CTNNA3: variants seen among roughly 807,000 people sequenced by gnomAD.
CTNNA3 encodes catenin alpha-3.
CTNNA3 carries 76 observed loss-of-function variants against 95.7 expected under a neutral mutation model. That is an observed-to-expected ratio of 0.79 (90% CI 0.66 to 0.96). The LOEUF (loss-of-function observed/expected upper bound fraction) is 0.96. CTNNA3 is among the 40% of genes least tolerant of loss of function. The probability of loss-of-function intolerance (pLI) is 0.00; values close to 1 mark genes in which losing one functional copy is unlikely to be tolerated. For missense variants in CTNNA3, 1,191 were observed against 1,089.8 expected (o/e 1.09, Z -1.31); for synonymous variants, 431 against 374.4 (o/e 1.15, Z -1.74).
At chr10:67,329,912 A>C (rs114407708) in intron 5 of CTNNA3, among the ~76,000 whole-genome samples, 2,324 of 152,252 alleles carry the variant, frequency 0.015, 63 homozygotes, top group African/African-American at 0.052. Context: ...GCGTCTTCCA[A>C]CTTCTCACTC....
intron 7 of CTNNA3, among the ~76,000 whole-genome samples, chr10:67,033,243 T>G (rs1853841535): frequency 6.6e-6 from 1 of 152,230 alleles, no homozygotes. Context: ...GCTTTCTCTC[T>G]GAGGCAAAGT....
intron 11 of CTNNA3, among the ~76,000 whole-genome samples, chr10:66,416,900 A>T (rs2093151015): frequency 6.6e-6 from 1 of 152,062 alleles, no homozygotes; most frequent in African/African-American, 2.4e-5. Context: ...CAAATGTGGA[A>T]AAAGATAGGG....
At chr10:66,001,336 A>G (rs1025378863) in intron 15 of CTNNA3, among the ~76,000 whole-genome samples, 2 of 152,118 alleles carry the variant, frequency 1.3e-5, no homozygotes, top group Non-Finnish European at 1.5e-5. Flanking sequence ...GCCATGCTAC[A>G]TGGGAGATTG....
At chr10:65,978,547 T>C (rs946913398) in intron 16 of CTNNA3, among the ~76,000 whole-genome samples, 2 of 151,868 alleles carry the variant, frequency 1.3e-5, no homozygotes, top group Non-Finnish European at 2.9e-5. Flanking sequence ...GCTTCATCTG[T>C]CACTTACACA....
intron 1 of CTNNA3, among the ~76,000 whole-genome samples, chr10:67,668,944 A>C (rs1589553551): frequency 6.7e-6 from 1 of 149,230 alleles, no homozygotes; most frequent in African/African-American, 2.5e-5. Context: ...GTTCAAGTGA[A>C]TCTCCTACCT....
At chr10:66,613,426 G>A (rs973291430) in intron 10 of CTNNA3, among the ~76,000 whole-genome samples, 6 of 152,130 alleles carry the variant, frequency 3.9e-5, no homozygotes, top group Middle Eastern at 3.4e-3. Context: ...AGTATTTGTT[G>A]AATGAAGAGT....
chr10:67,265,985 A>G (rs1051254068), intron 5 of CTNNA3, among the ~76,000 whole-genome samples: 7 of 152,174 alleles, frequency 4.6e-5, no homozygotes, highest in Non-Finnish European at 2.9e-5. Flanking sequence ...CAGCCTTTTA[A>G]TGCTTCATTC....
intron 5 of CTNNA3, among the ~76,000 whole-genome samples, chr10:67,357,380 A>G (rs1842846329): frequency 6.6e-6 from 1 of 152,170 alleles, no homozygotes; most frequent in Non-Finnish European, 1.5e-5. Flanking sequence ...AGAATTTACT[A>G]CAATATCATG....
At chr10:67,623,879 C>A (rs1023821691) in intron 2 of CTNNA3, among the ~76,000 whole-genome samples, 1 of 152,024 alleles carries the variant, frequency 6.6e-6, no homozygotes, top group African/African-American at 2.4e-5. Flanking sequence ...GGCAATGGTG[C>A]GATCTCGGCT....
chr10:66,682,276 C>G (rs1414275941), intron 9 of CTNNA3, among the ~76,000 whole-genome samples: 1 of 152,116 alleles, frequency 6.6e-6, no homozygotes, highest in African/African-American at 2.4e-5. Context: ...ACTAGTATTT[C>G]TTGAGCTTTC....
chr10:66,982,558 G>A (rs535440869), intron 7 of CTNNA3, among the ~76,000 whole-genome samples: 38 of 152,250 alleles, frequency 2.5e-4, no homozygotes, highest in African/African-American at 7.9e-4. Context: ...TTGGCAGGAA[G>A]AGGTATAAAA....
At chr10:66,161,748 T>C (rs1824668) in intron 13 of CTNNA3, among the ~76,000 whole-genome samples, 7,299 of 152,294 alleles carry the variant, frequency 0.048, 221 homozygotes, top group African/African-American at 0.067. Context: ...TCTAGGTCTC[T>C]AGCAACACAG....
intron 4 of CTNNA3, among the ~76,000 whole-genome samples, chr10:67,535,192 T>C (rs1589399297): frequency 6.6e-6 from 1 of 152,262 alleles, no homozygotes; most frequent in East Asian, 1.9e-4. Flanking sequence ...TAAAGAAGCA[T>C]GGTTTATACA....
chr10:66,128,961 A>AG (rs1336942671), intron 13 of CTNNA3, among the ~76,000 whole-genome samples: 1 of 151,232 alleles, frequency 6.6e-6, no homozygotes, highest in Non-Finnish European at 1.5e-5. Flanking sequence ...TAAAAAAAAA[A>AG]CAAAAAACAA....
intron 7 of CTNNA3, among the ~76,000 whole-genome samples, chr10:67,023,704 C>G (rs1853172937): frequency 6.6e-6 from 1 of 152,136 alleles, no homozygotes; most frequent in African/African-American, 2.4e-5. Context: ...TTCAGAACTA[C>G]TAATCTTCTT....
intron 1 of CTNNA3, among the ~76,000 whole-genome samples, chr10:67,726,419 T>TTG (rs1841219820): frequency 2.0e-5 from 1 of 49,900 alleles, no homozygotes; most frequent in Non-Finnish European, 2.9e-5. Context: ...ATATATAATA[T>TTG]TATATATTAT....
chr10:67,579,294 A>G (rs921232173), intron 3 of CTNNA3, among the ~76,000 whole-genome samples: 2 of 144,776 alleles, frequency 1.4e-5, no homozygotes, highest in Non-Finnish European at 3.0e-5. Flanking sequence ...ATGAGTGAGA[A>G]CATGCGGTCT....
chr10:66,152,045 C>T (rs1270283440), intron 13 of CTNNA3, among the ~76,000 whole-genome samples: 2 of 151,882 alleles, frequency 1.3e-5, no homozygotes, highest in Non-Finnish European at 2.9e-5. Flanking sequence ...CATATTGTAT[C>T]TATGCTTATT....
intron 5 of CTNNA3, among the ~76,000 whole-genome samples, chr10:67,289,075 A>C (rs1839720485): frequency 6.6e-6 from 1 of 152,166 alleles, no homozygotes; most frequent in African/African-American, 2.4e-5. Context: ...ACAAGTTCTA[A>C]TCTCAGCCTT....
Sources: allele counts gnomAD v4.1 joint callset (sites outside exome capture counted in the v4.1 genomes callset), GRCh38; gene constraint gnomAD v4.1.1; transcripts MANE v1.5; gene names NCBI Gene and HGNC (gene_info 2026-07-23, HGNC 2026-07-21).